Variants in SCLT1 observed in about 807,000 individuals in gnomAD.
SCLT1 encodes the protein sodium channel and clathrin linker 1, also known as sodium channel-associated protein 1.
A neutral mutation model predicts 112.8 loss-of-function variants in SCLT1; 78 were observed. The ratio of observed to expected loss-of-function variants is 0.69; its 90% CI spans 0.58 to 0.83. The LOEUF (loss-of-function observed/expected upper bound fraction) is 0.83, where lower values mean the gene tolerates loss of function less well. Among genes scored for constraint, SCLT1 ranks in the 40% least tolerant of loss-of-function variants. SCLT1 has a pLI of 0.00. For synonymous variants in SCLT1, 257 were observed against 254.7 expected (o/e 1.01, Z -0.09); for missense variants, 747 against 770.4 (o/e 0.97, Z 0.36).
At chr4:129,056,040 G>C (rs1188602530) in intron 2 of SCLT1, among the ~76,000 whole-genome samples, 1 of 152,150 alleles carries the variant, frequency 6.6e-6, no homozygotes, top group Non-Finnish European at 1.5e-5. Flanking sequence ...CTGTGGGAGG[G>C]AGACCCCGGC....
chr4:128,994,226 CTAT>C (rs1742815931), intron 8 of SCLT1, among the ~76,000 whole-genome samples: 2 of 152,098 alleles, frequency 1.3e-5, no homozygotes, highest in African/African-American at 4.8e-5. Flanking sequence ...ATCTCTGTTT[CTAT>C]AAATCTGTCT....
At position 129,093,320 on chromosome 4, in the gene SCLT1, G is replaced by C. The variant is rs2592957; in HGVS notation, c.-217C>G. ...TCCCTGGCCCTGGTGAGAGACTGAA[G>C]ATTGCTGGGGACTCCACGTTCAACC... On this transcript the variant is annotated 5_prime_UTR_variant, in exon 1 of 21. The change creates a new upstream start codon in the 5' untranslated region. Coordinates refer to ENST00000281142, the MANE Select transcript of SCLT1 (RefSeq NM_144643.4). 1.7e-6 allele frequency: 1 copy of C among 590,268 alleles called. No homozygotes were observed. The highest frequency in any genetic ancestry group is 3.0e-6 in the Non-Finnish European group (1 of 330,260). The allele number at this position is 590,268 out of a possible 1,614,324, so 36.6% of individuals were successfully genotyped here. A position where few individuals can be genotyped will look rare whatever the true frequency, so the allele number is the denominator to read the frequency against.
intron 18 of SCLT1, among the ~76,000 whole-genome samples, chr4:128,925,610 C>T (rs916643436): frequency 2.0e-5 from 3 of 152,180 alleles, no homozygotes; most frequent in Non-Finnish European, 4.4e-5. Context: ...AGGCGTCAGC[C>T]ACGGTGTCTG....
At chr4:128,886,484 T>C (rs536768144) in intron 20 of SCLT1, among the ~76,000 whole-genome samples, 1 of 152,212 alleles carries the variant, frequency 6.6e-6, no homozygotes, top group South Asian at 2.1e-4. Context: ...AAGATAAAAA[T>C]TAAAAAAATA....
At chr4:129,010,846 T>C (rs1744455999) in intron 5 of SCLT1, among the ~76,000 whole-genome samples, 1 of 152,204 alleles carries the variant, frequency 6.6e-6, no homozygotes, top group Admixed American at 6.5e-5. Flanking sequence ...GTTTTATAGA[T>C]ATAGAATCCT....
At chr4:129,016,149 G>A (rs1488522827) in intron 5 of SCLT1, among the ~76,000 whole-genome samples, 1 of 151,672 alleles carries the variant, frequency 6.6e-6, no homozygotes, top group African/African-American at 2.4e-5. Flanking sequence ...ACCATATTAA[G>A]CAAAATTATT....
At chr4:129,081,730 G>C (rs1010246627) in intron 2 of SCLT1, among the ~76,000 whole-genome samples, 3 of 152,182 alleles carry the variant, frequency 2.0e-5, no homozygotes, top group African/African-American at 7.2e-5. Flanking sequence ...CGGGGACACA[G>C]ATCCAAACCA....
At chr4:128,992,977 T>C (rs1157783196) in intron 8 of SCLT1, among the ~76,000 whole-genome samples, 1 of 152,032 alleles carries the variant, frequency 6.6e-6, no homozygotes. Context: ...TTGCTCCCGA[T>C]TGATCTTAAT....
At chr4:128,954,965 A>G (rs1420353850) in intron 13 of SCLT1, among the ~76,000 whole-genome samples, 1 of 152,190 alleles carries the variant, frequency 6.6e-6, no homozygotes, top group Non-Finnish European at 1.5e-5. Flanking sequence ...TGATACAGCT[A>G]ACTTGAGGGT....
intron 2 of SCLT1, among the ~76,000 whole-genome samples, chr4:129,073,225 T>TGA (rs1174029043): frequency 6.6e-6 from 1 of 152,168 alleles, no homozygotes; most frequent in African/African-American, 2.4e-5. Context: ...ATCTGCTTCC[T>TGA]TCAGAGGGTC....
At chr4:129,035,843 A>G (rs1485380406) in intron 5 of SCLT1, among the ~76,000 whole-genome samples, 1 of 151,208 alleles carries the variant, frequency 6.6e-6, no homozygotes, top group African/African-American at 2.4e-5. Context: ...TAATAATAAT[A>G]TGTATTTTTT....
At chr4:128,879,206 T>C (rs954544019), downstream of SCLT1, among the ~76,000 whole-genome samples, 3 of 152,078 alleles carry the variant, frequency 2.0e-5, no homozygotes, top group Admixed American at 2.0e-4. Flanking sequence ...TGAAACCTAT[T>C]TGGCATCTAT....
chr4:129,082,385 G>A lies in SCLT1; in HGVS notation c.35-12C>T, dbSNP rs768245886. On this transcript the variant is annotated splice_polypyrimidine_tract_variant and intron_variant, in intron 1 of 20. Coordinates refer to ENST00000281142, the MANE Select transcript of SCLT1 (RefSeq NM_144643.4). ...ATTTAGTCTTCGATCTGAAACAAGC[G>A]GGAAAACAGATTTCAGTTCATTGAG... 37 of 1,562,366 alleles carry A rather than the reference G, an allele frequency of 2.4e-5. No individual in the cohort carries two copies. Among genetic ancestry groups the A allele is most frequent in the Non-Finnish European group, 2.8e-5 (32 of 1,146,336 alleles).
intron 8 of SCLT1, among the ~76,000 whole-genome samples, chr4:128,992,721 GTC>G (rs2126070161): frequency 6.6e-6 from 1 of 152,076 alleles, no homozygotes; most frequent in East Asian, 1.9e-4. Context: ...TTTATTGGCT[GTC>G]TTCTCTTCTC....
At chr4:128,876,353 GT>G (rs1732520289) in intron 4 of SCLT1, among the ~76,000 whole-genome samples, 1 of 152,152 alleles carries the variant, frequency 6.6e-6, no homozygotes, top group African/African-American at 2.4e-5. Context: ...AGGTCTTAAA[GT>G]TGAATAACCA....
In SCLT1 at chr4:128,997,913, C is replaced by A; in HGVS notation, c.576G>T (p.Leu192=). Residue 192 remains leucine, a synonymous_variant, in exon 8 of 21, where the codon CTG becomes CTT. Coordinates refer to ENST00000281142, the MANE Select transcript of SCLT1 (RefSeq NM_144643.4). ...CATTAGTAACATGAAGTTGTTTGGT[C>A]AGTTGTTGAAAATCAAATAGCTGAT... The part of the protein sequence containing the change: ...QKDQLFDFQQ[L]TKQLHVTNEN... 1 of 1,513,440 alleles carries A rather than the reference C, an allele frequency of 6.6e-7. No individual in the cohort carries two copies. The highest frequency in any genetic ancestry group is 1.4e-5 in the South Asian group (1 of 72,478). The allele number at this position is 1,513,440 out of a possible 1,614,324, so 93.8% of individuals were successfully genotyped here.
chr4:128,914,091 C>T (rs969959926), intron 18 of SCLT1, among the ~76,000 whole-genome samples: 9 of 152,080 alleles, frequency 5.9e-5, no homozygotes, highest in Admixed American at 2.6e-4. Flanking sequence ...TATTGCCGGG[C>T]GCGGTGGCTC....
At chr4:129,039,188 A>G (rs1439695931) in intron 4 of SCLT1, 92 bp from the exon 5 acceptor site, 2 of 737,012 alleles carry the variant, frequency 2.7e-6, no homozygotes, top group East Asian at 2.5e-5. Flanking sequence ...AGATTCTGAC[A>G]CTAGTTTACA....
intron 6 of SCLT1, among the ~76,000 whole-genome samples, chr4:129,000,667 T>C (rs1016953333): frequency 2.0e-5 from 3 of 151,974 alleles, no homozygotes; most frequent in African/African-American, 7.2e-5. Flanking sequence ...GTCTCAGTTT[T>C]AATTTGTAAT....
Sources: gnomAD v4.1 joint callset for allele counts (sites outside exome capture counted in the v4.1 genomes callset) on GRCh38, gnomAD v4.1.1 for gene constraint, MANE v1.5 for transcripts, NCBI Gene and HGNC (gene_info 2026-07-23, HGNC 2026-07-21) for gene names.